Variants in ANKRD45 observed in about 807,000 individuals in gnomAD.
ANKRD45 encodes ankyrin repeat domain 45.
ANKRD45 carries 21 observed loss-of-function variants against 28.1 expected under a neutral mutation model. The observed-to-expected ratio is 0.75, with a 90% CI of 0.53 to 1.08. ANKRD45 has a LOEUF of 1.08. Among genes scored for constraint, ANKRD45 ranks in the 50% least tolerant of loss-of-function variants. The pLI is 0.00. For missense variants in ANKRD45, 261 were observed against 308.7 expected, an observed-to-expected ratio of 0.85 and a Z score of 1.16; for synonymous variants, 86 against 103.9, an observed-to-expected ratio of 0.83 and a Z score of 1.05.
At chr1:173,650,467 T>C (rs1467191361) in intron 2 of ANKRD45, among the ~76,000 whole-genome samples, 2 of 152,354 alleles carry the variant, frequency 1.3e-5, no homozygotes, top group East Asian at 3.9e-4. Flanking sequence ...TTCCGTGGTA[T>C]ATATGTGCCA....
the ANKRD45 span, among the ~76,000 whole-genome samples, chr1:173,692,544 C>T: frequency 2.6e-5 from 4 of 152,232 alleles, no homozygotes; most frequent in Non-Finnish European, 4.4e-5. Flanking sequence ...TTCCCTTTAG[C>T]TTAGTGATTT....
intron 1 of ANKRD45, among the ~76,000 whole-genome samples, chr1:173,664,199 T>C (rs1669908465): frequency 6.6e-6 from 1 of 152,244 alleles, no homozygotes; most frequent in Non-Finnish European, 1.5e-5. Flanking sequence ...GGGTGACATA[T>C]GTCCCAATGT....
intron 1 of ANKRD45, among the ~76,000 whole-genome samples, chr1:173,667,300 A>G (rs1249314421): frequency 2.0e-5 from 3 of 152,230 alleles, no homozygotes; most frequent in Admixed American, 6.5e-5. Flanking sequence ...AATATCAAGC[A>G]TGGGTAAAAG....
At chr1:173,635,387 A>G (rs1283884343) in intron 3 of ANKRD45, 2 of 717,428 alleles carry the variant, frequency 2.8e-6, no homozygotes, top group Admixed American at 6.0e-5. Context: ...TTGAAGCACC[A>G]TTTTAACTAA....
chr1:173,648,141 T>C (rs961034949), intron 2 of ANKRD45, among the ~76,000 whole-genome samples: 6 of 152,192 alleles, frequency 3.9e-5, no homozygotes, highest in Non-Finnish European at 8.8e-5. Context: ...GGTTTCATCA[T>C]GTTGGCCAGG....
At position 173,646,944 on chromosome 1, in the gene ANKRD45, T is replaced by A; in HGVS notation, c.398A>T (p.Asp133Val). ...GAAGTTCAAAGCTTCTATATCAACA[T>A]CCAGTTCTACCAGTGCTTTCAAAGT... ...LETLKALVEL[D>V]VDIEALNFRE... Residue 133 changes from aspartate to valine, a missense_variant, in exon 3 of 6, where the codon GAT becomes GTT. Coordinates refer to ENST00000333279, the MANE Select transcript of ANKRD45 (RefSeq NM_198493.3). 6.2e-7 allele frequency: 1 copy of A among 1,614,088 alleles called. No individual in the cohort carries two copies.
chr1:173,706,301 CAA>C, the ANKRD45 span, among the ~76,000 whole-genome samples: 10 of 93,560 alleles, frequency 1.1e-4, no homozygotes, highest in Admixed American at 2.3e-4. Flanking sequence ...GATTCCGTCT[CAA>C]AAAAAAAAAA....
chr1:173,687,007 C>T, the ANKRD45 span, among the ~76,000 whole-genome samples: 1 of 152,100 alleles, frequency 6.6e-6, no homozygotes, highest in African/African-American at 2.4e-5. Context: ...CTTTTAATGT[C>T]CAGTTCACAG....
intron 1 of ANKRD45, among the ~76,000 whole-genome samples, chr1:173,667,967 C>G (rs1670095376): frequency 6.6e-6 from 1 of 152,110 alleles, no homozygotes; most frequent in Non-Finnish European, 1.5e-5. Context: ...CACTTTCTAA[C>G]TAATTCTTTT....
intron 1 of ANKRD45, among the ~76,000 whole-genome samples, chr1:173,660,476 C>T (rs1447140977): frequency 2.6e-5 from 4 of 152,170 alleles, no homozygotes; most frequent in Admixed American, 2.6e-4. Context: ...CCCAATGTCC[C>T]ACCCCTGCCT....
chr1:173,655,848 G>A (rs952589478), intron 2 of ANKRD45, among the ~76,000 whole-genome samples: 2 of 152,310 alleles, frequency 1.3e-5, no homozygotes, highest in Admixed American at 1.3e-4. Context: ...TGCCTCACAG[G>A]TCAATCTCAG....
chr1:173,615,506 C>T (rs1167962872), intron 5 of ANKRD45, among the ~76,000 whole-genome samples: 1 of 151,564 alleles, frequency 6.6e-6, no homozygotes, highest in Non-Finnish European at 1.5e-5. Flanking sequence ...AAGTTTCATT[C>T]AGACATGAAT....
intron 2 of ANKRD45, among the ~76,000 whole-genome samples, chr1:173,648,047 A>C (rs1669019258): frequency 6.6e-6 from 1 of 151,890 alleles, no homozygotes; most frequent in South Asian, 2.1e-4. Context: ...GGTTCAAGCT[A>C]TTCTGCCTCA....
the ANKRD45 span, among the ~76,000 whole-genome samples, chr1:173,691,198 T>C: frequency 6.6e-6 from 1 of 152,258 alleles, no homozygotes; most frequent in South Asian, 2.1e-4. Flanking sequence ...TGCTGCAGTA[T>C]GTGAGGATCC....
intron 3 of ANKRD45, among the ~76,000 whole-genome samples, chr1:173,646,375 TACTATTCTG>T (rs1284277393): frequency 6.6e-6 from 1 of 152,230 alleles, no homozygotes; most frequent in East Asian, 1.9e-4. Flanking sequence ...TAAGGGTAGC[TACTATTCTG>T]ACTATTAGCA....
chr1:173,660,160 C>CT (rs1388132351), intron 1 of ANKRD45, among the ~76,000 whole-genome samples: 1 of 152,016 alleles, frequency 6.6e-6, no homozygotes, highest in Non-Finnish European at 1.5e-5. Context: ...CACACATGAG[C>CT]ATGAAAACCC....
chr1:173,610,007 T>G lies in ANKRD45; in HGVS notation c.*138A>C, dbSNP rs558026933. ...TCCGGACATAAGCATGCTGAACAGG[T>G]CAAACAAAACAAGGGCGATGTAATG... On this transcript the variant is annotated 3_prime_UTR_variant, in exon 6 of 6. Transcript: ENST00000333279. 1.9e-3 allele frequency: 1,658 copies of G among 873,384 alleles called. 8 individuals are homozygous for G. The highest frequency in any genetic ancestry group is 4.4e-3 in the South Asian group (266 of 60,050). 54.1% of individuals were successfully genotyped at this position (873,384 alleles called of 1,614,324 possible). A position where few individuals can be genotyped will look rare whatever the true frequency, so the allele number is the denominator to read the frequency against.
At chr1:173,667,295 C>T (rs899059590) in intron 1 of ANKRD45, among the ~76,000 whole-genome samples, 1 of 152,130 alleles carries the variant, frequency 6.6e-6, no homozygotes, top group Non-Finnish European at 1.5e-5. Flanking sequence ...GTTACAATAT[C>T]AAGCATGGGT....
intron 1 of ANKRD45, chr1:173,669,505 A>G: frequency 2.2e-6 from 1 of 456,062 alleles, no homozygotes; most frequent in South Asian, 1.6e-5. Flanking sequence ...CCTGAGGAAC[A>G]GGATACAGAA....
Sources: gnomAD v4.1 joint callset for allele counts (sites outside exome capture counted in the v4.1 genomes callset) on GRCh38, gnomAD v4.1.1 for gene constraint, MANE v1.5 for transcripts, NCBI Gene and HGNC (gene_info 2026-07-23, HGNC 2026-07-21) for gene names.